Variants in B3GALT1 observed in about 807,000 individuals in gnomAD.
B3GALT1 encodes the protein UDP-Gal:betaGlcNAc beta 1,3-galactosyltransferase, polypeptide 1.
Under a neutral mutation model 23.2 loss-of-function variants are expected in B3GALT1, and 10 were observed. The ratio of observed to expected loss-of-function variants is 0.43; its 90% CI spans 0.27 to 0.73. The LOEUF is 0.73. B3GALT1 is among the 30% of genes least tolerant of loss of function. The probability of loss-of-function intolerance (pLI) is 0.21; values close to 1 mark genes in which losing one functional copy is unlikely to be tolerated. For synonymous variants in B3GALT1, 156 were observed against 141.5 expected (o/e 1.10, Z -0.73); for missense variants, 299 against 405.4 (o/e 0.74, Z 2.25).
chr2:167,641,116 A>G (rs886715691), intron 2 of B3GALT1, among the ~76,000 whole-genome samples: 2 of 152,196 alleles, frequency 1.3e-5, no homozygotes, highest in African/African-American at 2.4e-5. Context: ...GTTAAGAAAT[A>G]CAAAGTATGC....
chr2:167,839,746 G>C (rs1178333649), intron 4 of B3GALT1, among the ~76,000 whole-genome samples: 1 of 152,160 alleles, frequency 6.6e-6, no homozygotes, highest in Non-Finnish European at 1.5e-5. Context: ...AAAGAACAAA[G>C]CTGGAGGCAT....
intron 1 of B3GALT1, among the ~76,000 whole-genome samples, chr2:167,378,424 T>C (rs1697796471): frequency 6.6e-6 from 1 of 152,150 alleles, no homozygotes; most frequent in Non-Finnish European, 1.5e-5. Context: ...TTTTCTGGGT[T>C]GTTTACTTTT....
chr2:167,417,247 T>C (rs1574070739), intron 1 of B3GALT1, among the ~76,000 whole-genome samples: 1 of 152,116 alleles, frequency 6.6e-6, no homozygotes, highest in East Asian at 1.9e-4. Flanking sequence ...TAATCCATTA[T>C]AGGATTAATC....
At position 167,303,682 on chromosome 2, in the gene B3GALT1, C is replaced by CACACACACAG. The variant is rs535369991; in HGVS notation, c.-511+10349_-511+10350insCACACACAGA. Among the ~76,000 whole-genome samples the CACACACACAG allele has an allele frequency of 2.2e-4, 33 of 148,834 alleles. No individual in the cohort carries two copies. The East Asian group carries it at 4.3e-3, about 20-fold the overall frequency. ...ACACACACACACACACACACACACA[C>CACACACACAG]AGAGAGAGACCTTGTTGCTGCCATT... On this transcript the variant is annotated intron_variant, in intron 1 of 4. Coordinates refer to ENST00000392690, the MANE Select transcript of B3GALT1 (RefSeq NM_020981.4).
intron 3 of B3GALT1, among the ~76,000 whole-genome samples, chr2:167,705,684 A>G (rs1686956605): frequency 6.6e-6 from 1 of 152,166 alleles, no homozygotes; most frequent in East Asian, 1.9e-4. Flanking sequence ...TCCTAAATCT[A>G]ATTGGGACTC....
chr2:167,527,145 C>T (rs1436460427), intron 2 of B3GALT1, among the ~76,000 whole-genome samples: 1 of 151,602 alleles, frequency 6.6e-6, no homozygotes, highest in Non-Finnish European at 1.5e-5. Flanking sequence ...TTTCCTATTT[C>T]TCATTTCTTG....
chr2:167,805,720 G>A (rs1688738509), intron 3 of B3GALT1, among the ~76,000 whole-genome samples: 1 of 152,140 alleles, frequency 6.6e-6, no homozygotes, highest in South Asian at 2.1e-4. Flanking sequence ...ATGCTGTTTT[G>A]ATTACTGTAG....
At chr2:167,506,377 A>G (rs1366418759) in intron 2 of B3GALT1, among the ~76,000 whole-genome samples, 3 of 152,212 alleles carry the variant, frequency 2.0e-5, no homozygotes, top group African/African-American at 7.2e-5. Context: ...AAAATTAAAT[A>G]CTTCTTAAAA....
At chr2:167,651,898 C>T (rs1685876123) in intron 3 of B3GALT1, among the ~76,000 whole-genome samples, 1 of 152,152 alleles carries the variant, frequency 6.6e-6, no homozygotes, top group African/African-American at 2.4e-5. Flanking sequence ...CTGTTTGCAA[C>T]TCTAACCCTG....
intron 3 of B3GALT1, among the ~76,000 whole-genome samples, chr2:167,736,008 T>C (rs1228818368): frequency 6.6e-6 from 1 of 152,202 alleles, no homozygotes; most frequent in Non-Finnish European, 1.5e-5. Context: ...AGAAATTCTC[T>C]GAAGCAAACA....
At chr2:167,424,557 G>GTGTGTTTGTGTGTGTGTGTT (rs1698595265) in intron 1 of B3GALT1, among the ~76,000 whole-genome samples, 1 of 151,836 alleles carries the variant, frequency 6.6e-6, no homozygotes. Context: ...TAGTGTGTGT[G>GTGTGTTTGTGTGTGTGTGTT]TGTGTTTGTG....
intron 1 of B3GALT1, among the ~76,000 whole-genome samples, chr2:167,363,177 C>T (rs1697524597): frequency 6.6e-6 from 1 of 151,346 alleles, no homozygotes; most frequent in African/African-American, 2.4e-5. Context: ...TTCTTATTGT[C>T]TAGTATGCCA....
chr2:167,319,557 T>G (rs1696775695), intron 1 of B3GALT1, among the ~76,000 whole-genome samples: 1 of 152,090 alleles, frequency 6.6e-6, no homozygotes, highest in African/African-American at 2.4e-5. Context: ...AGTCACTTAC[T>G]GGATTTTCTA....
chr2:167,667,786 T>C (rs1223404715), intron 3 of B3GALT1, among the ~76,000 whole-genome samples: 2 of 152,232 alleles, frequency 1.3e-5, no homozygotes, highest in Admixed American at 6.5e-5. Flanking sequence ...CGAGCCTTGG[T>C]TTTCAGCTCC....
At chr2:167,512,509 C>G (rs1212955024) in intron 2 of B3GALT1, among the ~76,000 whole-genome samples, 1 of 139,294 alleles carries the variant, frequency 7.2e-6, no homozygotes, top group African/African-American at 2.7e-5. Flanking sequence ...ATTATACATG[C>G]ATATATACAT....
chr2:167,636,973 A>G (rs140935484), intron 2 of B3GALT1, among the ~76,000 whole-genome samples: 1 of 152,148 alleles, frequency 6.6e-6, no homozygotes, highest in East Asian at 1.9e-4. Context: ...AGTATCCCAG[A>G]ACTTAAAGTA....
At chr2:167,321,111 CT>C in intron 1 of B3GALT1, among the ~76,000 whole-genome samples, 1 of 152,070 alleles carries the variant, frequency 6.6e-6, no homozygotes, top group Non-Finnish European at 1.5e-5. Context: ...ATGGCATTCT[CT>C]TTTAATATGG....
rs546487755 is a variant in B3GALT1, at chr2:167,347,935, T to C, written c.-511+54601T>C. On this transcript the variant is annotated intron_variant, in intron 1 of 4. Transcript: ENST00000392690. ...TACCTTTAGAAATATTAGTTTGGTG[T>C]TTAGGTTAGTAGAAAGAAGTGACAC... 2.0e-5 allele frequency among the ~76,000 whole-genome samples: 3 copies of C among 152,278 alleles called. No individual in the cohort carries two copies. The East Asian group carries it at 5.8e-4, about 29-fold the overall frequency.
intron 1 of B3GALT1, among the ~76,000 whole-genome samples, chr2:167,337,206 A>G (rs1487563551): frequency 6.6e-6 from 1 of 152,162 alleles, no homozygotes; most frequent in African/African-American, 2.4e-5. Context: ...GCCAAAGGAT[A>G]TATTTTTTTT....
Sources: allele counts gnomAD v4.1 joint callset (sites outside exome capture counted in the v4.1 genomes callset), GRCh38; gene constraint gnomAD v4.1.1; transcripts MANE v1.5; gene names NCBI Gene and HGNC (gene_info 2026-07-23, HGNC 2026-07-21).